Variants in CES5A observed in about 807,000 individuals in gnomAD.
CES5A encodes carboxylesterase 5A.
CES5A carries 67 observed loss-of-function variants against 62.9 expected under a neutral mutation model. The observed-to-expected ratio is 1.07, with a 90% CI of 0.88 to 1.31. CES5A has a LOEUF of 1.31. Among genes scored for constraint, CES5A ranks in the 50% most tolerant of loss-of-function variants. The pLI is 0.00. For synonymous variants in CES5A, 296 were observed against 280.8 expected (o/e 1.05, Z -0.54); for missense variants, 748 against 708.5 (o/e 1.06, Z -0.63).
In CES5A at chr16:55,914,931, C is replaced by T. The variant is rs564598146; in HGVS notation, c.-256+10392G>A. ...GTTAACATTAGGGAAAGCTCAGTGACGGGCATATGGGAACTCTGTGCTATT... is the reference window on the plus strand; with the variant it reads ...GTTAACATTAGGGAAAGCTCAGTGATGGGCATATGGGAACTCTGTGCTATT... On this transcript the variant is annotated intron_variant, in intron 1 of 12. Transcript: ENST00000518005. 7.2e-5 allele frequency among the ~76,000 whole-genome samples: 11 copies of T among 152,142 alleles called. No homozygotes were observed. In the East Asian group the frequency reaches 1.7e-3, roughly 24 times the overall value.
chr16:55,952,444 C>CA (rs1202323480), intron 1 of CES5A, among the ~76,000 whole-genome samples: 2 of 150,520 alleles, frequency 1.3e-5, no homozygotes, highest in African/African-American at 4.9e-5. Flanking sequence ...AACTAGAACA[C>CA]AAAAAAATCA....
rs531429855 is a variant in CES5A at position 55,905,825 on chromosome 16, C to T, written c.-256+19498G>A. ...AAGTCCTCGTGATTACAAAACTATA[C>T]GCGCAATGGAGAACAAAGAATACAA... On this transcript the variant is annotated intron_variant, in intron 1 of 12. Transcript: ENST00000518005. 3.5e-4 allele frequency among the ~76,000 whole-genome samples: 54 copies of T among 152,240 alleles called. 1 individual carries two copies. In the South Asian group the frequency reaches 0.01, roughly 29 times the overall value.
intron 1 of CES5A, among the ~76,000 whole-genome samples, chr16:55,904,895 G>A (rs539382814): frequency 7.9e-5 from 12 of 152,248 alleles, no homozygotes; most frequent in African/African-American, 2.6e-4. Context: ...AAGACTGCAA[G>A]CAACACAGAG....
exon 2 of CES5A, chr16:55,949,801 G>A: frequency 6.7e-7 from 1 of 1,486,160 alleles, no homozygotes; most frequent in Non-Finnish European, 9.0e-7. Context: ...CTTTGGAAGT[G>A]TAGTTTAAGA....
rs1191475551 is a variant in CES5A, at chr16:55,923,751, T to A, written c.-256+1572A>T. Among the ~76,000 whole-genome samples the A allele has an allele frequency of 7.3e-5, 11 of 151,694 alleles. No individual in the cohort carries two copies. In the East Asian group the frequency reaches 1.5e-3, roughly 21 times the overall value. On this transcript the variant is annotated intron_variant, in intron 1 of 12. Transcript: ENST00000518005. ...AGGCCATATCACTGAAGAACTTAGA[T>A]GCACAAATCCTCAACAAAATACTAG... is the stretch of plus-strand genomic sequence containing the variant.
intron 6 of CES5A, among the ~76,000 whole-genome samples, chr16:55,861,746 A>T (rs1484646097): frequency 2.0e-5 from 3 of 152,032 alleles, no homozygotes; most frequent in Non-Finnish European, 4.4e-5. Context: ...TTTAGTAAAC[A>T]CCACAGCTGG....
chr16:55,858,040 C>CA lies in CES5A; in HGVS notation c.1056+1506dup, dbSNP rs200307820. 6.8e-3 allele frequency among the ~76,000 whole-genome samples: 1,026 copies of CA among 151,190 alleles called. 5 individuals are homozygous for CA. Among genetic ancestry groups the CA allele is most frequent in the African/African-American group, 0.023 (954 of 41,242 alleles). On this transcript the variant is annotated intron_variant, in intron 8 of 12. Transcript: ENST00000290567. ...TGAAACACTGTCTCCACTAAAAATA[C>CA]AAAAAAAAATTAGCTGGGCATGGTG...
At chr16:55,909,300 C>T (rs1262017318) in intron 1 of CES5A, among the ~76,000 whole-genome samples, 3 of 152,104 alleles carry the variant, frequency 2.0e-5, no homozygotes, top group African/African-American at 4.8e-5. Flanking sequence ...ACCCTCTTTC[C>T]CACTGAAATT....
At chr16:55,946,353 T>C (rs1443924391) in intron 2 of CES5A, among the ~76,000 whole-genome samples, 1 of 151,932 alleles carries the variant, frequency 6.6e-6, no homozygotes, top group African/African-American at 2.4e-5. Context: ...GTGGGGAGCC[T>C]TGTGAAAAAA....
At chr16:55,886,045 C>T (rs1316331688) in intron 1 of CES5A, among the ~76,000 whole-genome samples, 1 of 152,232 alleles carries the variant, frequency 6.6e-6, no homozygotes, top group Admixed American at 6.5e-5. Context: ...ATGGCAGGTT[C>T]CCCACGGCTA....
intron 2 of CES5A, among the ~76,000 whole-genome samples, chr16:55,935,233 C>T (rs1188662321): frequency 6.6e-6 from 1 of 152,152 alleles, no homozygotes; most frequent in African/African-American, 2.4e-5. Flanking sequence ...ATGAGCCACT[C>T]ACTGTGCCTG....
chr16:55,912,422 T>C (rs558112679), intron 1 of CES5A, among the ~76,000 whole-genome samples: 13 of 151,962 alleles, frequency 8.6e-5, no homozygotes, highest in African/African-American at 2.9e-4. Context: ...GAAGGGAGCA[T>C]TCGAGGAAAA....
At chr16:55,921,558 A>G (rs2034204534) in intron 1 of CES5A, among the ~76,000 whole-genome samples, 1 of 151,796 alleles carries the variant, frequency 6.6e-6, no homozygotes, top group South Asian at 2.1e-4. Context: ...TCTTTCCCAG[A>G]CAACCAAAAG....
chr16:55,912,099 A>C (rs969714204), intron 1 of CES5A, among the ~76,000 whole-genome samples: 12 of 152,154 alleles, frequency 7.9e-5, no homozygotes, highest in Non-Finnish European at 1.5e-5. Flanking sequence ...TCCCAGAAGT[A>C]GAGGAACATG....
intron 10 of CES5A, among the ~76,000 whole-genome samples, chr16:55,852,555 C>T (rs781636152): frequency 3.9e-5 from 6 of 152,082 alleles, no homozygotes; most frequent in African/African-American, 7.2e-5. Context: ...TCCATTACTA[C>T]GTATGGCTAA....
chr16:55,859,512 G>C, intron 8 of CES5A, 35 bp downstream of exon 8: 1 of 1,603,154 alleles, frequency 6.2e-7, no homozygotes, highest in Non-Finnish European at 8.5e-7. Context: ...ATCACGGTTT[G>C]AGGGAGTGGC....
At chr16:55,848,655 C>T (rs2033066322) in intron 11 of CES5A, among the ~76,000 whole-genome samples, 1 of 152,072 alleles carries the variant, frequency 6.6e-6, no homozygotes, top group African/African-American at 2.4e-5. Flanking sequence ...CTATCTGTTA[C>T]CCAGTTTTCA....
chr16:55,879,799 C>T (rs2033743190), upstream of CES5A, among the ~76,000 whole-genome samples: 1 of 152,080 alleles, frequency 6.6e-6, no homozygotes, highest in South Asian at 2.1e-4. Context: ...CACTATGTTT[C>T]CCAGGCTGGT....
At chr16:55,925,290 G>T (rs1567356845) in intron 1 of CES5A, 1 of 151,726 alleles carries the variant, frequency 6.6e-6, no homozygotes, top group Non-Finnish European at 1.5e-5. Flanking sequence ...TCAGAGAAAT[G>T]CAAATCAAAA....
Sources: allele counts gnomAD v4.1 joint callset (sites outside exome capture counted in the v4.1 genomes callset), GRCh38; gene constraint gnomAD v4.1.1; transcripts MANE v1.5; gene names NCBI Gene and HGNC (gene_info 2026-07-23, HGNC 2026-07-21).